Variants in LRRC49 observed in about 807,000 individuals in gnomAD.
The protein encoded by LRRC49 is leucine-rich repeat-containing protein 49.
Under a neutral mutation model 83.3 loss-of-function variants are expected in LRRC49, and 50 were observed. The observed-to-expected ratio is 0.60, with a 90% CI of 0.48 to 0.76. The LOEUF (loss-of-function observed/expected upper bound fraction) is 0.76. Ranked by LOEUF, LRRC49 falls within the 30% of genes least tolerant of loss-of-function variation. The pLI, the probability that LRRC49 is intolerant of heterozygous loss-of-function variation, is 0.00. For synonymous variants in LRRC49, 286 were observed against 283.3 expected (o/e 1.01, Z -0.10); for missense variants, 704 against 809.1 (o/e 0.87, Z 1.58).
rs2038596155 is a variant in LRRC49, at chr15:71,009,959, C to T, written c.1560C>T (p.Ser520=). Residue 520 remains serine (S), a synonymous_variant, in exon 13 of 16, where the codon AGC becomes AGT. Coordinates refer to ENST00000260382, the MANE Select transcript of LRRC49 (RefSeq NM_017691.5). The part of the protein sequence containing the change: ...LWKYYVLFRL[S]HFSMQKINGT... ...AATACTATGTACTGTTTAGGCTAAG[C>T]CATTTCAGTATGCAGAAAATAAATG... The T allele has an allele frequency of 1.2e-6, 2 of 1,600,124 alleles. No individual in the cohort carries two copies. The highest frequency in any genetic ancestry group is 1.7e-6 in the Non-Finnish European group (2 of 1,172,948).
At chr15:70,892,763 CCGGAAATGGT>C (rs2033636993), upstream of LRRC49, 1 of 1,583,102 alleles carries the variant, frequency 6.3e-7, no homozygotes, top group East Asian at 2.3e-5. Flanking sequence ...GAGGTCCAGA[CCGGAAATGGT>C]CGTTTCCATG....
chr15:70,936,620 G>A, intron 7 of LRRC49, 141 bp from the exon 8 acceptor site: 1 of 613,246 alleles, frequency 1.6e-6, no homozygotes, highest in South Asian at 2.0e-5. Context: ...GGAGAGTGGA[G>A]CTCACTGTCC....
chr15:71,006,177 A>C (rs796096636), intron 11 of LRRC49, among the ~76,000 whole-genome samples: 13 of 152,312 alleles, frequency 8.5e-5, no homozygotes, highest in African/African-American at 2.9e-4. Flanking sequence ...TGTTTTACTG[A>C]ATGTAGCCTT....
exon 2 of LRRC49, chr15:70,872,919 C>A: frequency 2.9e-5 from 6 of 210,346 alleles, no homozygotes; most frequent in East Asian, 9.7e-5. Context: ...TGGAGTCTCA[C>A]TCTGTCGCCT....
At chr15:70,885,567 T>C (rs1156926105) in intron 2 of LRRC49, among the ~76,000 whole-genome samples, 3 of 152,126 alleles carry the variant, frequency 2.0e-5, no homozygotes, top group Non-Finnish European at 4.4e-5. Context: ...AGATTGAAAG[T>C]AGAAGGATGG....
At position 70,942,033 on chromosome 15, in the gene LRRC49, A is replaced by ATTTGTGTGTG. The variant is rs1340541101; in HGVS notation, c.773+5212_773+5213insTTGTGTGTGT. ...CTCCATTTTTATTACTGTAAAGGTT[A>ATTTGTGTGTG]TGTGTGTGTGTGTGTGTGTGTGTGT... On this transcript the variant is annotated intron_variant, in intron 8 of 15. Transcript: ENST00000260382. Among the ~76,000 whole-genome samples the ATTTGTGTGTG allele has an allele frequency of 2.4e-3, 340 of 144,186 alleles. 3 individuals carry two copies. Among genetic ancestry groups the ATTTGTGTGTG allele is most frequent in the African/African-American group, 8.4e-3 (327 of 38,780 alleles). 94.6% of individuals were successfully genotyped at this position (144,186 alleles called of 152,430 possible).
chr15:70,968,138 T>A (rs1226145892), intron 9 of LRRC49, among the ~76,000 whole-genome samples: 1 of 151,990 alleles, frequency 6.6e-6, no homozygotes, highest in Non-Finnish European at 1.5e-5. Context: ...TCCCTCTCCT[T>A]GCCTCCACAC....
At chr15:70,906,537 C>T (rs2034321776) in intron 5 of LRRC49, among the ~76,000 whole-genome samples, 2 of 152,286 alleles carry the variant, frequency 1.3e-5, no homozygotes, top group Admixed American at 1.3e-4. Flanking sequence ...AAATCACTTT[C>T]TCTCGTATTT....
At chr15:70,947,555 T>C (rs965902573) in intron 8 of LRRC49, among the ~76,000 whole-genome samples, 3 of 152,080 alleles carry the variant, frequency 2.0e-5, no homozygotes, top group Admixed American at 2.0e-4. Flanking sequence ...CACTTAGCAG[T>C]TCTAGTATAA....
intron 13 of LRRC49, 75 bp from the exon 14 acceptor site, chr15:71,012,729 C>T: frequency 1.7e-5 from 14 of 803,084 alleles, no homozygotes; most frequent in Non-Finnish European, 3.0e-5. Flanking sequence ...TTGGATCTCT[C>T]TTTGGGATTA....
intron 8 of LRRC49, among the ~76,000 whole-genome samples, chr15:70,943,914 T>C (rs955259197): frequency 6.6e-6 from 1 of 152,236 alleles, no homozygotes; most frequent in African/African-American, 2.4e-5. Context: ...CTGACATTCC[T>C]GGTTGCTGGG....
At chr15:70,963,683 T>C (rs1486402473) in intron 8 of LRRC49, 102 bp from the exon 9 acceptor site, 2 of 1,347,406 alleles carry the variant, frequency 1.5e-6, no homozygotes, top group African/African-American at 1.5e-5. Context: ...TCTTCTCAAT[T>C]TTTCTGTAAA....
At chr15:70,896,188 A>T (rs1318794325) in intron 3 of LRRC49, among the ~76,000 whole-genome samples, 1 of 152,150 alleles carries the variant, frequency 6.6e-6, no homozygotes, top group East Asian at 1.9e-4. Context: ...TGGAAAAAGA[A>T]TGTTTCAAAT....
At chr15:71,035,592 C>T (rs564424955) in intron 14 of LRRC49, among the ~76,000 whole-genome samples, 7 of 152,128 alleles carry the variant, frequency 4.6e-5, no homozygotes, top group South Asian at 2.1e-4. Flanking sequence ...TGATAATGTG[C>T]GGTGTTTGGT....
upstream of LRRC49, chr15:70,892,752 A>G: frequency 6.4e-7 from 1 of 1,555,258 alleles, no homozygotes. Flanking sequence ...TCGATTCGGG[A>G]GAGGTCCAGA....
chr15:70,906,695 GTCTA>G (rs1380535708), intron 5 of LRRC49, among the ~76,000 whole-genome samples: 2 of 152,110 alleles, frequency 1.3e-5, no homozygotes, highest in African/African-American at 4.8e-5. Context: ...GAAGGTACCA[GTCTA>G]TCTGAGCTTC....
intron 8 of LRRC49, among the ~76,000 whole-genome samples, chr15:70,960,028 G>C (rs1380096098): frequency 6.6e-6 from 1 of 152,172 alleles, no homozygotes; most frequent in Non-Finnish European, 1.5e-5. Flanking sequence ...ATTTAGTTTA[G>C]AGTCCAGTTT....
chr15:70,990,243 C>G (rs559501876), intron 11 of LRRC49, among the ~76,000 whole-genome samples: 1 of 152,316 alleles, frequency 6.6e-6, no homozygotes, highest in South Asian at 2.1e-4. Context: ...AGAGGTGGAG[C>G]CTACAGAGGC....
At chr15:70,938,206 T>C (rs2035669945) in intron 8 of LRRC49, among the ~76,000 whole-genome samples, 2 of 152,130 alleles carry the variant, frequency 1.3e-5, no homozygotes. Context: ...ACTCCTAAAT[T>C]CCTAGCTCTG....
Sources: allele counts gnomAD v4.1 joint callset (sites outside exome capture counted in the v4.1 genomes callset), GRCh38; gene constraint gnomAD v4.1.1; transcripts MANE v1.5; gene names NCBI Gene and HGNC (gene_info 2026-07-23, HGNC 2026-07-21).